GPR137B: variants seen among roughly 807,000 people sequenced by gnomAD.
The protein encoded by GPR137B is G protein-coupled receptor 137B.
GPR137B carries 42 observed loss-of-function variants against 42.5 expected under a neutral mutation model. That is an observed-to-expected ratio of 0.99 (90% CI 0.77 to 1.28). The LOEUF is 1.28. Ranked by LOEUF, GPR137B falls within the 50% of genes most tolerant of loss-of-function variation. The pLI is 0.00. For missense variants in GPR137B, 487 were observed against 493.9 expected, an observed-to-expected ratio of 0.99 and a Z score of 0.13; for synonymous variants, 218 against 209.7, an observed-to-expected ratio of 1.04 and a Z score of -0.34.
At chr1:236,162,107 A>G (rs1407348218) in intron 1 of GPR137B, among the ~76,000 whole-genome samples, 1 of 152,232 alleles carries the variant, frequency 6.6e-6, no homozygotes, top group Admixed American at 6.5e-5. Context: ...GATATGGTCA[A>G]TAAAATCCAG....
At chr1:236,180,105 G>C in intron 4 of GPR137B, 77 bp downstream of exon 4, 2 of 1,200,152 alleles carry the variant, frequency 1.7e-6, no homozygotes, top group Non-Finnish European at 2.5e-6. Flanking sequence ...CAGGACCCCA[G>C]AAAATACCAA....
chr1:236,166,484 TTATATATACATATATATATTTA>T (rs1662358647), intron 1 of GPR137B, among the ~76,000 whole-genome samples: 1 of 139,590 alleles, frequency 7.2e-6, no homozygotes, highest in South Asian at 2.2e-4. Flanking sequence ...TTATATATAT[TTATATATACATATATATATTTA>T]TATATATACA....
At chr1:236,180,637 T>G (rs1438573965) in intron 4 of GPR137B, among the ~76,000 whole-genome samples, 3 of 151,500 alleles carry the variant, frequency 2.0e-5, no homozygotes, top group African/African-American at 7.3e-5. Context: ...TACTTAATTT[T>G]TTTTTTTTTT....
intron 2 of GPR137B, among the ~76,000 whole-genome samples, chr1:236,176,750 T>TTCCC (rs1222372006): frequency 7.9e-5 from 12 of 152,270 alleles, no homozygotes; most frequent in African/African-American, 2.9e-4. Context: ...TCCTTCCTTC[T>TTCCC]TCCCTCCCTC....
At chr1:236,160,297 G>A (rs754488283) in intron 1 of GPR137B, among the ~76,000 whole-genome samples, 2 of 152,140 alleles carry the variant, frequency 1.3e-5, no homozygotes, top group Non-Finnish European at 2.9e-5. Context: ...AGGAAGGGGA[G>A]GGAAAGGAAG....
intron 5 of GPR137B, among the ~76,000 whole-genome samples, chr1:236,189,819 C>T (rs1254754572): frequency 1.3e-5 from 2 of 152,188 alleles, no homozygotes; most frequent in African/African-American, 4.8e-5. Flanking sequence ...CTGTAGATGT[C>T]TGCTAGGTCC....
intron 1 of GPR137B, among the ~76,000 whole-genome samples, chr1:236,166,037 GGTAAACCCCACT>G (rs1269850486): frequency 2.0e-5 from 3 of 152,098 alleles, no homozygotes; most frequent in South Asian, 4.1e-4. Flanking sequence ...CCTACCGCTT[GGTAAACCCCACT>G]AAGTGGGCAA....
chr1:236,147,722 C>T (rs1315480604), intron 1 of GPR137B, among the ~76,000 whole-genome samples: 1 of 152,222 alleles, frequency 6.6e-6, no homozygotes, highest in African/African-American at 2.4e-5. Flanking sequence ...CCCAGCTCAG[C>T]AAGCATCTGC....
rs543293900 is a variant in GPR137B at position 236,156,172 on chromosome 1, G to C, written c.415-12534G>C. ...CTGATCACGTGGGAAGAAGCTCACT[G>C]AAGTCTGGGGGGCCCACATTCCAAG... On this transcript the variant is annotated intron_variant, in intron 1 of 6. Transcript: ENST00000366592. This position sits in a 1 kb window ranked among gnomAD's most constrained non-coding sequence, Gnocchi z 4.8. Among the ~76,000 whole-genome samples the C allele has an allele frequency of 1.7e-4, 26 of 152,314 alleles. No homozygotes were observed. The highest frequency in any genetic ancestry group is 4.1e-4 in the South Asian group (2 of 4,822).
At chr1:236,174,120 A>G (rs1412894229) in intron 2 of GPR137B, among the ~76,000 whole-genome samples, 2 of 152,160 alleles carry the variant, frequency 1.3e-5, no homozygotes, top group African/African-American at 4.8e-5. Context: ...TCTATATTGC[A>G]TTTCCAATTT....
Position 236,203,202 on chromosome 1 carries a change from C to T in GPR137B, c.967-1924C>T, listed in dbSNP as rs186312381. On this transcript the variant is annotated intron_variant, in intron 5 of 6. Transcript: ENST00000366592. ...ACGCCATTCTCCTGTCTCAGCCTCC[C>T]GAGTAGCTGGGACTATGGGCACCCC... 1.2e-3 allele frequency among the ~76,000 whole-genome samples: 186 copies of T among 152,210 alleles called. 1 individual carries two copies. Among genetic ancestry groups the T allele is most frequent in the Admixed American group, 1.8e-3 (28 of 15,280 alleles).
At chr1:236,195,696 G>A (rs1446067116) in intron 5 of GPR137B, among the ~76,000 whole-genome samples, 1 of 152,146 alleles carries the variant, frequency 6.6e-6, no homozygotes, top group Non-Finnish European at 1.5e-5. Context: ...TCTCCATAGT[G>A]GTTGTACTAA....
At chr1:236,180,092 T>G in intron 4 of GPR137B, 64 bp downstream of exon 4, 1 of 1,415,582 alleles carries the variant, frequency 7.1e-7, no homozygotes, top group Non-Finnish European at 1.0e-6. Context: ...GAGGCATTGG[T>G]TCCAGGACCC....
intron 5 of GPR137B, among the ~76,000 whole-genome samples, chr1:236,188,009 G>A (rs1663082095): frequency 6.6e-6 from 1 of 152,232 alleles, no homozygotes; most frequent in South Asian, 2.1e-4. Context: ...ATTTCCTTGA[G>A]CAGCAGTTTG....
intron 3 of GPR137B, among the ~76,000 whole-genome samples, chr1:236,179,354 C>T (rs1180746335): frequency 2.0e-5 from 3 of 152,160 alleles, no homozygotes; most frequent in East Asian, 3.8e-4. Flanking sequence ...AGCTTCATAA[C>T]GTGGGGCACA....
At chr1:236,180,329 G>A (rs1283230120) in intron 4 of GPR137B, 1 of 268,050 alleles carries the variant, frequency 3.7e-6, no homozygotes, top group East Asian at 1.0e-4. Flanking sequence ...TTGATCCGTG[G>A]ATGGTTGAGT....
intron 4 of GPR137B, among the ~76,000 whole-genome samples, chr1:236,181,097 G>C (rs1041689782): frequency 2.6e-5 from 4 of 152,008 alleles, no homozygotes; most frequent in South Asian, 2.1e-4. Flanking sequence ...AATGGAGCAC[G>C]TACACAGCAT....
intron 1 of GPR137B, among the ~76,000 whole-genome samples, chr1:236,147,696 T>C (rs1410198403): frequency 6.6e-6 from 1 of 152,202 alleles, no homozygotes; most frequent in Non-Finnish European, 1.5e-5. Context: ...CCACCGGGAC[T>C]CCACCTGCAA....
chr1:236,154,598 G>T (rs1661962802), intron 1 of GPR137B, among the ~76,000 whole-genome samples: 1 of 151,674 alleles, frequency 6.6e-6, no homozygotes, highest in African/African-American at 2.4e-5. Context: ...TCATTCTCTC[G>T]GTGGCAGGAC....
Sources: gnomAD v4.1 joint callset for allele counts (sites outside exome capture counted in the v4.1 genomes callset) on GRCh38, gnomAD v4.1.1 for gene constraint, Gnocchi (gnomAD v3.1) non-coding constraint, MANE v1.5 for transcripts, NCBI Gene and HGNC (gene_info 2026-07-23, HGNC 2026-07-21) for gene names.